Variants in ROBO2 observed in about 807,000 individuals in gnomAD.
ROBO2 encodes the protein roundabout homolog 2.
ROBO2 carries 53 observed loss-of-function variants against 160.8 expected under a neutral mutation model. That is an observed-to-expected ratio of 0.33 (90% CI 0.26 to 0.41). The LOEUF is 0.41. Ranked by LOEUF, ROBO2 falls within the 10% of genes least tolerant of loss-of-function variation. ROBO2 has a pLI of 1.00. For missense variants in ROBO2, 1,577 were observed against 1,722.4 expected (o/e 0.92, Z 1.49); for synonymous variants, 664 against 611.7 (o/e 1.09, Z -1.26).
chr3:77,414,728 G>T (rs949237516), intron 2 of ROBO2, among the ~76,000 whole-genome samples: 1 of 152,182 alleles, frequency 6.6e-6, no homozygotes, highest in African/African-American at 2.4e-5. Context: ...TGCAGTCCAT[G>T]ATGCATTCAT....
At chr3:77,148,664 G>A (rs1039855177) in intron 2 of ROBO2, among the ~76,000 whole-genome samples, 6 of 152,184 alleles carry the variant, frequency 3.9e-5, no homozygotes, top group East Asian at 1.9e-4. Context: ...AAGTACAGGC[G>A]CAAAAATAAT....
chr3:76,604,999 G>A (rs1246221213), intron 2 of ROBO2, among the ~76,000 whole-genome samples: 3 of 152,150 alleles, frequency 2.0e-5, no homozygotes, highest in Non-Finnish European at 2.9e-5. Context: ...ATGTCAACTT[G>A]CCAAGGCTGG....
At chr3:77,008,662 G>T (rs1000054069) in intron 2 of ROBO2, among the ~76,000 whole-genome samples, 4 of 152,076 alleles carry the variant, frequency 2.6e-5, no homozygotes, top group African/African-American at 9.7e-5. Context: ...TAACACACAG[G>T]GTAGCTGAAA....
At chr3:77,082,482 A>G (rs2068768676) in intron 1 of ROBO2, among the ~76,000 whole-genome samples, 1 of 152,230 alleles carries the variant, frequency 6.6e-6, no homozygotes. Context: ...CTGTGAGGAT[A>G]ACTAAAGAAA....
chr3:75,977,586 A>C (rs1162581010), intron 2 of ROBO2, among the ~76,000 whole-genome samples: 1 of 151,526 alleles, frequency 6.6e-6, no homozygotes, highest in Non-Finnish European at 1.5e-5. Flanking sequence ...TTTTCTTAAA[A>C]TATAAGGATA....
At chr3:76,550,517 G>T (rs2083349736) in intron 2 of ROBO2, among the ~76,000 whole-genome samples, 1 of 152,238 alleles carries the variant, frequency 6.6e-6, no homozygotes, top group Non-Finnish European at 1.5e-5. Context: ...TGCAGGGCCA[G>T]GAGGGCCCAG....
rs1247555803 is a variant in ROBO2 at position 76,862,418 on chromosome 3, G to A, written c.110-235596G>A. ...TCAGATTTTAAAAAGCACGTTTTAT[G>A]CCACACAGGAATTTTCATAAGGAAA... On this transcript the variant is annotated intron_variant, in intron 2 of 26. Coordinates refer to the ROBO2 transcript ENST00000487694. Among the ~76,000 whole-genome samples the A allele has an allele frequency of 3.9e-5, 6 of 152,182 alleles. No individual in the cohort carries two copies. The South Asian group carries it at 8.3e-4, about 21-fold the overall frequency.
At chr3:77,412,708 C>T (rs1475815356) in intron 2 of ROBO2, among the ~76,000 whole-genome samples, 2 of 152,184 alleles carry the variant, frequency 1.3e-5, no homozygotes, top group African/African-American at 4.8e-5. Flanking sequence ...CCTGCCAAGA[C>T]TGATCCCAAA....
intron 2 of ROBO2, among the ~76,000 whole-genome samples, chr3:76,644,075 A>G (rs1488325206): frequency 6.6e-6 from 1 of 152,162 alleles, no homozygotes; most frequent in Non-Finnish European, 1.5e-5. Flanking sequence ...ATGTGACACT[A>G]CTCACCTTAT....
intron 2 of ROBO2, among the ~76,000 whole-genome samples, chr3:76,047,476 A>T (rs2067489271): frequency 6.6e-6 from 1 of 152,178 alleles, no homozygotes; most frequent in Non-Finnish European, 1.5e-5. Context: ...TGATACAGAG[A>T]TTGCCGTCAG....
At chr3:76,845,919 AT>A (rs1437384392) in intron 2 of ROBO2, among the ~76,000 whole-genome samples, 1 of 152,076 alleles carries the variant, frequency 6.6e-6, no homozygotes, top group Non-Finnish European at 1.5e-5. Flanking sequence ...CAATTCAATC[AT>A]CAAAGTCACT....
chr3:76,304,782 C>CTT (rs1491104279), intron 2 of ROBO2, among the ~76,000 whole-genome samples: 1 of 136,806 alleles, frequency 7.3e-6, no homozygotes, highest in Admixed American at 7.4e-5. Context: ...TTCTTTCTTT[C>CTT]TTTCTTTCTT....
At chr3:76,574,489 T>C (rs944502159) in intron 2 of ROBO2, among the ~76,000 whole-genome samples, 1 of 152,144 alleles carries the variant, frequency 6.6e-6, no homozygotes, top group East Asian at 1.9e-4. Flanking sequence ...CTTTAGAGCT[T>C]TAAGTTTTAG....
chr3:75,955,332 G>T (rs1481515231), intron 2 of ROBO2, among the ~76,000 whole-genome samples: 12 of 151,734 alleles, frequency 7.9e-5, no homozygotes, highest in African/African-American at 2.9e-4. Flanking sequence ...ATAGAACTTT[G>T]CATAGAATAT....
chr3:77,380,872 C>T (rs1258725339), intron 2 of ROBO2, among the ~76,000 whole-genome samples: 2 of 152,122 alleles, frequency 1.3e-5, no homozygotes, highest in East Asian at 3.9e-4. Flanking sequence ...TGATGCACTT[C>T]CTGCAGCCTC....
chr3:76,622,828 G>T (rs2089322058), intron 2 of ROBO2, among the ~76,000 whole-genome samples: 1 of 152,124 alleles, frequency 6.6e-6, no homozygotes, highest in African/African-American at 2.4e-5. Flanking sequence ...CCAAAAGAGT[G>T]CCAAGAAACT....
intron 2 of ROBO2, among the ~76,000 whole-genome samples, chr3:76,950,510 G>T (rs1229480632): frequency 6.6e-6 from 1 of 152,090 alleles, no homozygotes; most frequent in East Asian, 1.9e-4. Flanking sequence ...TATAAAATAT[G>T]ATAAGGTAAA....
chr3:76,716,198 A>G (rs1242540214), intron 2 of ROBO2, among the ~76,000 whole-genome samples: 1 of 152,140 alleles, frequency 6.6e-6, no homozygotes, highest in Non-Finnish European at 1.5e-5. Flanking sequence ...TGTATTGTCA[A>G]AGTAGATATG....
At chr3:77,623,202 A>C (rs2094936091) in intron 23 of ROBO2, among the ~76,000 whole-genome samples, 1 of 152,216 alleles carries the variant, frequency 6.6e-6, no homozygotes. Context: ...CTATTCAAAT[A>C]GATATACACT....
Sources: allele counts gnomAD v4.1 joint callset (sites outside exome capture counted in the v4.1 genomes callset), GRCh38; gene constraint gnomAD v4.1.1; transcripts MANE v1.5; gene names NCBI Gene and HGNC (gene_info 2026-07-23, HGNC 2026-07-21).